The following ARHGAP39 variants were observed in gnomAD, a reference collection of about 807,000 sequenced individuals.
ARHGAP39 encodes the protein Rho GTPase activating protein 39.
A neutral mutation model predicts 106.9 loss-of-function variants in ARHGAP39; 44 were observed. That is an observed-to-expected ratio of 0.41 (90% CI 0.32 to 0.53). The LOEUF is 0.53. ARHGAP39 is among the 20% of genes least tolerant of loss of function. The pLI is 0.21. For missense variants in ARHGAP39, 1,496 were observed against 1,577.3 expected (o/e 0.95, Z 0.87); for synonymous variants, 768 against 693.2 (o/e 1.11, Z -1.69).
At chr8:144,662,189 CA>C (rs1821840838) in intron 1 of ARHGAP39, among the ~76,000 whole-genome samples, 4 of 150,952 alleles carry the variant, frequency 2.6e-5, no homozygotes, top group East Asian at 2.0e-4. Context: ...TGGATCACTC[CA>C]CCCTCCCCAT....
intron 1 of ARHGAP39, among the ~76,000 whole-genome samples, 197 bp downstream of exon 1, chr8:144,685,489 C>T (rs1481837075): frequency 1.3e-5 from 2 of 149,022 alleles, no homozygotes; most frequent in Non-Finnish European, 3.0e-5. Flanking sequence ...GGCCGGGCCC[C>T]GCACACCCAC....
chr8:144,690,104 G>GTTAT (rs1221812511), upstream of ARHGAP39, among the ~76,000 whole-genome samples: 1 of 150,050 alleles, frequency 6.7e-6, no homozygotes, highest in African/African-American at 2.5e-5. Flanking sequence ...GTACCATTTT[G>GTTAT]TTATTTATTT....
At chr8:144,537,376 C>T (rs1409720286) in intron 7 of ARHGAP39, among the ~76,000 whole-genome samples, 2 of 152,062 alleles carry the variant, frequency 1.3e-5, no homozygotes, top group Non-Finnish European at 1.5e-5. Context: ...ACACACCCCT[C>T]CACCTGCAAA....
intron 1 of ARHGAP39, among the ~76,000 whole-genome samples, chr8:144,642,676 T>C (rs886725886): frequency 6.6e-6 from 1 of 152,068 alleles, no homozygotes; most frequent in Admixed American, 6.5e-5. Flanking sequence ...TGTGAATAAG[T>C]GTCATGAGAT....
chr8:144,627,751 C>T (rs1434355215), intron 1 of ARHGAP39, among the ~76,000 whole-genome samples: 2 of 152,098 alleles, frequency 1.3e-5, no homozygotes, highest in Non-Finnish European at 2.9e-5. Context: ...GAGCAAGACC[C>T]TGTCTCAAAA....
intron 1 of ARHGAP39, among the ~76,000 whole-genome samples, chr8:144,682,327 ATCACGAGG>A (rs1822445997): frequency 6.7e-6 from 1 of 149,248 alleles, no homozygotes; most frequent in South Asian, 2.1e-4. Context: ...AGGCGGGTGG[ATCACGAGG>A]TCAGGAGATC....
At chr8:144,619,314 A>G (rs1009421253) in intron 1 of ARHGAP39, among the ~76,000 whole-genome samples, 1 of 152,238 alleles carries the variant, frequency 6.6e-6, no homozygotes, top group African/African-American at 2.4e-5. Context: ...CGCTCCGAGA[A>G]GCGCGGGTCC....
At chr8:144,543,006 G>A (rs1249754403) in intron 6 of ARHGAP39, among the ~76,000 whole-genome samples, 2 of 151,328 alleles carry the variant, frequency 1.3e-5, no homozygotes, top group East Asian at 4.0e-4. Flanking sequence ...CTGTTGCCCA[G>A]GCTGGAGTGC....
intron 1 of ARHGAP39, among the ~76,000 whole-genome samples, chr8:144,612,218 G>C (rs1820516062): frequency 4.2e-5 from 2 of 48,034 alleles, no homozygotes; most frequent in South Asian, 1.9e-3. Context: ...GACAGAGTGA[G>C]GTGAGCCACG....
rs190888577 is a variant in ARHGAP39, at chr8:144,570,057, C to T, written c.512+10789G>A. Reference sequence around the variant, plus strand: ...CCAACATGGTAAAACCCCGTCTCTACTAAAAATACAAAAATTAACCAGGCG... The same window carrying T: ...CCAACATGGTAAAACCCCGTCTCTATTAAAAATACAAAAATTAACCAGGCG... On this transcript the variant is annotated intron_variant, in intron 3 of 11. Transcript: ENST00000377307. Among the ~76,000 whole-genome samples, 275 of 152,196 alleles carry T rather than the reference C, an allele frequency of 1.8e-3. 2 individuals carry two copies. The highest frequency in any genetic ancestry group is 6.1e-3 in the African/African-American group (255 of 41,504).
chr8:144,636,150 G>A (rs1284305941), intron 1 of ARHGAP39, among the ~76,000 whole-genome samples: 1 of 152,188 alleles, frequency 6.6e-6, no homozygotes. Flanking sequence ...TGTGGGGACC[G>A]ACTTAGAGGA....
At chr8:144,655,862 C>G (rs1297677523) in intron 1 of ARHGAP39, among the ~76,000 whole-genome samples, 16 of 152,074 alleles carry the variant, frequency 1.1e-4, no homozygotes. Flanking sequence ...CAGGAAAACA[C>G]CAGACCAAAG....
chr8:144,544,471 TGTGC>T (rs1186945109), intron 6 of ARHGAP39, among the ~76,000 whole-genome samples: 2 of 152,240 alleles, frequency 1.3e-5, no homozygotes, highest in South Asian at 2.1e-4. Flanking sequence ...GGAGGGTGTG[TGTGC>T]GTGCGTGCAT....
intron 2 of ARHGAP39, among the ~76,000 whole-genome samples, chr8:144,597,559 G>A (rs564012533): frequency 6.6e-6 from 1 of 152,300 alleles, no homozygotes; most frequent in African/African-American, 2.4e-5. Context: ...TCTACGCGAC[G>A]CCCTTGAGGA....
chr8:144,617,030 T>C (rs1012893233), intron 1 of ARHGAP39, among the ~76,000 whole-genome samples: 2 of 151,820 alleles, frequency 1.3e-5, no homozygotes, highest in Non-Finnish European at 2.9e-5. Flanking sequence ...TGGCCAACAT[T>C]TTTAGTCTCT....
rs539346147 is a variant in ARHGAP39 at position 144,681,731 on chromosome 8, A to G, written c.-82+3955T>C. ...GGATGGGCATTTAAAAATCTATCTT[A>G]GGCTATTTGTGTTACCACTATCTAA... On this transcript the variant is annotated intron_variant, in intron 1 of 11. Coordinates refer to ENST00000377307, the MANE Select transcript of ARHGAP39 (RefSeq NM_025251.3). Among the ~76,000 whole-genome samples, 23 of 152,322 alleles carry G rather than the reference A, an allele frequency of 1.5e-4. No individual in the cohort carries two copies. The South Asian group carries it at 2.9e-3, about 19-fold the overall frequency.
chr8:144,649,549 C>G (rs1821526576), intron 1 of ARHGAP39, among the ~76,000 whole-genome samples: 1 of 152,240 alleles, frequency 6.6e-6, no homozygotes, highest in South Asian at 2.1e-4. Flanking sequence ...GCAGATGGAT[C>G]ACTTTAGGTC....
rs556825145 is a variant in ARHGAP39 at position 144,591,474 on chromosome 8, A to G, written c.81-10197T>C. On this transcript the variant is annotated intron_variant, in intron 2 of 11. Transcript: ENST00000377307. This position sits in a 1 kb window ranked among gnomAD's most constrained non-coding sequence, Gnocchi z 5.3. ...GGCTGACCTGACCTAATTCAGGTGA[A>G]CGGACCCTGAAGAAGGACTTGTTTG... Among the ~76,000 whole-genome samples the G allele has an allele frequency of 6.6e-5, 10 of 152,266 alleles. No individual in the cohort carries two copies. Among genetic ancestry groups the G allele is most frequent in the African/African-American group, 2.4e-4 (10 of 41,556 alleles).
chr8:144,558,750 A>G (rs984507145), intron 3 of ARHGAP39, among the ~76,000 whole-genome samples: 1 of 152,192 alleles, frequency 6.6e-6, no homozygotes, highest in Non-Finnish European at 1.5e-5. Flanking sequence ...GAAGTAATAC[A>G]GAAAGGATGA....
Sources: allele counts gnomAD v4.1 joint callset (sites outside exome capture counted in the v4.1 genomes callset), GRCh38; gene constraint gnomAD v4.1.1; non-coding constraint Gnocchi (gnomAD v3.1); transcripts MANE v1.5; gene names NCBI Gene and HGNC (gene_info 2026-07-23, HGNC 2026-07-21).